Variants in SORBS3 observed in about 807,000 individuals in gnomAD.
SORBS3 encodes vinexin.
SORBS3 carries 69 observed loss-of-function variants against 98.0 expected under a neutral mutation model. That is an observed-to-expected ratio of 0.70 (90% CI 0.58 to 0.86). The LOEUF is 0.86. SORBS3 is among the 40% of genes least tolerant of loss of function. The pLI, the probability that SORBS3 is intolerant of heterozygous loss-of-function variation, is 0.00. For missense variants in SORBS3, 954 were observed against 908.5 expected (o/e 1.05, Z -0.64); for synonymous variants, 394 against 355.4 (o/e 1.11, Z -1.22).
intron 1 of SORBS3, among the ~76,000 whole-genome samples, chr8:22,546,312 T>C (rs568740684): frequency 1.1e-4 from 17 of 152,338 alleles, no homozygotes; most frequent in African/African-American, 4.1e-4. Context: ...GAGGTACTTA[T>C]ATTTGGCTTT....
intron 19 of SORBS3, 138 bp from the exon 20 acceptor site, chr8:22,572,202 C>T: frequency 1.4e-6 from 1 of 721,870 alleles, no homozygotes; most frequent in South Asian, 1.6e-5. Context: ...ACGGTGAGCA[C>T]AGGCTGAGTT....
chr8:22,564,090 G>C lies in SORBS3; in HGVS notation c.675+13G>C. The C allele has an allele frequency of 6.2e-7, 1 of 1,611,914 alleles. No homozygotes were observed. Among genetic ancestry groups the C allele is most frequent in the African/African-American group, 1.3e-5 (1 of 75,016 alleles). Reference sequence around the variant, plus strand: ...GCCCTCAAATCAGGTAGCCCACCCAGCATAGTCCCTGGTCAGCCCCAGCTG... The same window carrying C: ...GCCCTCAAATCAGGTAGCCCACCCACCATAGTCCCTGGTCAGCCCCAGCTG... On this transcript the variant is annotated intron_variant, in intron 8 of 20. Transcript: ENST00000240123.
Position 22,572,355 on chromosome 8 carries a change from C to G in SORBS3, c.1863C>G (p.Tyr621Ter). 6.2e-7 allele frequency: 1 copy of G among 1,613,896 alleles called. No individual in the cohort carries two copies. The highest frequency in any genetic ancestry group is 1.1e-5 in the South Asian group (1 of 91,078). Residue 621 changes from tyrosine to a stop codon, truncating the protein, a stop_gained, in exon 20 of 21, where the codon TAC (tyrosine) becomes TAG (stop). Coordinates refer to ENST00000240123, the MANE Select transcript of SORBS3 (RefSeq NM_005775.5). LOFTEE classifies it high-confidence loss of function. ...CTTCTCGCAGGTACCGGGCGATGTA[C>G]CAGTACAGGCCCCAGAACGAAGACG... is the stretch of plus-strand genomic sequence containing the variant. Reference protein sequence around the residue: ...QIHWTPYRAMYQYRPQNEDEL... With the variant: ...QIHWTPYRAM
At chr8:22,555,220 G>C (rs1416037582) in intron 3 of SORBS3, among the ~76,000 whole-genome samples, 2 of 152,350 alleles carry the variant, frequency 1.3e-5, no homozygotes, top group Non-Finnish European at 2.9e-5. Context: ...CTCCAGCCTG[G>C]TGCCAGGGAA....
In SORBS3 at chr8:22,571,196, C is replaced by T; in HGVS notation, c.1718C>T (p.Thr573Ile). Residue 573 changes from threonine to isoleucine, a missense_variant, in exon 18 of 21, where the codon ACC becomes ATC. Coordinates refer to ENST00000240123, the MANE Select transcript of SORBS3 (RefSeq NM_005775.5). ...SPRRTGFSFP[T>I]QEPRPQTQNL... ...CGTCGCACTGGCTTCTCCTTCCCCA[C>T]CCAGGAGCCTAGACCCCAGACCCAG... The T allele has an allele frequency of 2.6e-6, 4 of 1,562,192 alleles. No homozygotes were observed. Among genetic ancestry groups the T allele is most frequent in the Non-Finnish European group, 3.5e-6 (4 of 1,155,940 alleles).
At chr8:22,555,209 C>T (rs535261550) in intron 3 of SORBS3, among the ~76,000 whole-genome samples, 1 of 152,336 alleles carries the variant, frequency 6.6e-6, no homozygotes, top group East Asian at 1.9e-4. Context: ...CTTCCCCTGC[C>T]CTCCAGCCTG....
At chr8:22,564,762 G>A (rs73227900) in intron 10 of SORBS3, 25 of 1,400,272 alleles carry the variant, frequency 1.8e-5, no homozygotes, top group African/African-American at 2.9e-5. Flanking sequence ...TGGTCAGTGC[G>A]CACTGGGATT....
intron 20 of SORBS3, chr8:22,573,274 A>G (rs781779289): frequency 2.2e-6 from 1 of 452,662 alleles, no homozygotes; most frequent in Non-Finnish European, 4.4e-6. Flanking sequence ...GATGCATTCA[A>G]ATTTACTGGA....
chr8:22,571,724 G>A lies in SORBS3; in HGVS notation c.1750G>A (p.Gly584Ser). Reference protein sequence around the residue: ...QEPRPQTQNLGTPGPALSHSR... With the variant: ...QEPRPQTQNLSTPGPALSHSR... ...TCTTCCTGTCAACTCCCAGAATCTT[G>A]GCACCCCTGGTCCAGCTCTGTCCCA... Residue 584 changes from glycine to serine, a missense_variant, in exon 19 of 21, where the codon GGC (glycine) becomes AGC (serine). Coordinates refer to ENST00000240123, the MANE Select transcript of SORBS3 (RefSeq NM_005775.5). 6.2e-7 allele frequency: 1 copy of A among 1,613,184 alleles called. No individual in the cohort carries two copies. The highest frequency in any genetic ancestry group is 8.5e-7 in the Non-Finnish European group (1 of 1,179,302).
intron 4 of SORBS3, 29 bp downstream of exon 4, chr8:22,556,937 G>A: frequency 2.5e-6 from 4 of 1,608,590 alleles, no homozygotes; most frequent in Non-Finnish European, 3.4e-6. Flanking sequence ...GCCACGGAGA[G>A]ATGGGGCCCA....
chr8:22,558,950 C>T (rs1249584170), intron 5 of SORBS3, among the ~76,000 whole-genome samples: 9 of 152,148 alleles, frequency 5.9e-5, no homozygotes, highest in Admixed American at 1.3e-4. Flanking sequence ...TGGCCTGGAG[C>T]GAGGAGCATG....
chr8:22,554,919 C>T lies in SORBS3; in HGVS notation c.159C>T (p.Pro53=), dbSNP rs139970508. Residue 53 remains proline, a synonymous_variant, in exon 3 of 21, where the codon CCC becomes CCT. Transcript: ENST00000240123. This position sits in a 1 kb window ranked among gnomAD's most constrained non-coding sequence, Gnocchi z 6.5. ...CCCTTAATTTCCAGTTCCACGACCC[C>T]GCGCCCAGGACTGTGTGCAATGGGG... is the stretch of plus-strand genomic sequence containing the variant. The part of the protein sequence containing the change: ...SNTLNFQFHD[P]APRTVCNGGY... The T allele has an allele frequency of 2.2e-4, 363 of 1,613,624 alleles. No individual in the cohort carries two copies. Among genetic ancestry groups the T allele is most frequent in the Admixed American group, 3.2e-4 (19 of 59,992 alleles).
In SORBS3 at chr8:22,569,128, C is replaced by T; in HGVS notation, c.1306-20C>T. 1 of 1,592,742 alleles carries T rather than the reference C, an allele frequency of 6.3e-7. No homozygotes were observed. ...GTTGATGCCCAGGCCAAATCTTTCT[C>T]ATGACCTTTCTTCATGCAGGTGCTG... On this transcript the variant is annotated intron_variant, in intron 16 of 20. Transcript: ENST00000240123.
chr8:22,553,647 A>G (rs1157649014), intron 1 of SORBS3, among the ~76,000 whole-genome samples: 5 of 152,274 alleles, frequency 3.3e-5, no homozygotes, highest in African/African-American at 9.6e-5. Flanking sequence ...TGCACTCACA[A>G]AACAGCCTGG....
At chr8:22,558,638 C>A (rs540338268) in intron 5 of SORBS3, among the ~76,000 whole-genome samples, 1 of 152,370 alleles carries the variant, frequency 6.6e-6, no homozygotes, top group Non-Finnish European at 1.5e-5. Context: ...GCATGTACCA[C>A]ATGCTGAGCA....
intron 5 of SORBS3, among the ~76,000 whole-genome samples, chr8:22,560,665 G>A (rs572807360): frequency 2.6e-5 from 4 of 152,288 alleles, no homozygotes; most frequent in South Asian, 4.1e-4. Flanking sequence ...GCAAAAGCCT[G>A]TTTAGGGAGA....
Position 22,566,883 on chromosome 8 carries a change from C to T in SORBS3, c.1190+15C>T. Reference sequence around the variant, plus strand: ...CAGTCCCCCAAGTAAGCGCCCTCCTCCCCCTCCCCTTCCACCCAAGGCAAT... The same window carrying T: ...CAGTCCCCCAAGTAAGCGCCCTCCTTCCCCTCCCCTTCCACCCAAGGCAAT... On this transcript the variant is annotated intron_variant, in intron 15 of 20. Coordinates refer to ENST00000240123, the MANE Select transcript of SORBS3 (RefSeq NM_005775.5). 1 of 1,604,818 alleles carries T rather than the reference C, an allele frequency of 6.2e-7. No homozygotes were observed. Among genetic ancestry groups the T allele is most frequent in the Non-Finnish European group, 8.5e-7 (1 of 1,175,572 alleles).
Position 22,554,608 on chromosome 8 carries a change from GGTGA to G in SORBS3, c.102+7_102+10del, listed in dbSNP as rs1563814585. The G allele has an allele frequency of 3.7e-6, 6 of 1,611,398 alleles. No individual in the cohort carries two copies. The African/African-American group carries it at 8.0e-5, about 22-fold the overall frequency. ...TAGGGTCTTCCTCCCGGGGGACACG[GGTGA>G]GTGAGTCAGTAGGGAGGAGGGTGTC... On this transcript the variant is annotated splice_donor_variant and splice_donor_region_variant and intron_variant, in intron 2 of 20. Transcript: ENST00000240123. LOFTEE classifies it high-confidence loss of function. This position sits in a 1 kb window ranked among gnomAD's most constrained non-coding sequence, Gnocchi z 6.5.
intron 16 of SORBS3, 42 bp from the exon 17 acceptor site, chr8:22,569,099 CTATGTTG>C (rs767797653): frequency 6.4e-7 from 1 of 1,571,070 alleles, no homozygotes. Context: ...CCAGCCTGTG[CTATGTTG>C]ATGCCCAGGC....
Sources: allele counts gnomAD v4.1 joint callset (sites outside exome capture counted in the v4.1 genomes callset), GRCh38; gene constraint gnomAD v4.1.1; non-coding constraint Gnocchi (gnomAD v3.1); transcripts MANE v1.5; gene names NCBI Gene and HGNC (gene_info 2026-07-23, HGNC 2026-07-21).